Variants in EYS observed in about 807,000 individuals in gnomAD.
The protein encoded by EYS is EGF-like photoreceptor maintenance factor.
Under a neutral mutation model 282.1 loss-of-function variants are expected in EYS, and 250 were observed. The observed-to-expected ratio is 0.89, with a 90% CI of 0.80 to 0.98. The LOEUF (loss-of-function observed/expected upper bound fraction) is 0.98. Ranked by LOEUF, EYS falls within the 50% of genes least tolerant of loss-of-function variation. The probability of loss-of-function intolerance (pLI) is 0.00; values close to 1 mark genes in which losing one functional copy is unlikely to be tolerated. For synonymous variants in EYS, 1,355 were observed against 1,282.9 expected, an observed-to-expected ratio of 1.06 and a Z score of -1.20; for missense variants, 4,016 against 3,709.0, an observed-to-expected ratio of 1.08 and a Z score of -2.15.
intron 22 of EYS, among the ~76,000 whole-genome samples, chr6:64,757,218 C>A (rs1463709026): frequency 1.3e-5 from 2 of 152,134 alleles, no homozygotes; most frequent in African/African-American, 4.8e-5. Flanking sequence ...GCTTCCTTAT[C>A]ATCTCCCCAT....
At chr6:65,102,122 A>G (rs1774911647) in intron 12 of EYS, among the ~76,000 whole-genome samples, 1 of 151,440 alleles carries the variant, frequency 6.6e-6, no homozygotes, top group Non-Finnish European at 1.5e-5. Context: ...TTTGTGAGGC[A>G]TAGAAAAAAC....
chr6:63,999,725 A>G (rs1423545611), intron 33 of EYS, among the ~76,000 whole-genome samples: 1 of 152,224 alleles, frequency 6.6e-6, no homozygotes, highest in Non-Finnish European at 1.5e-5. Context: ...CTGGTACTGT[A>G]TCTCAGAGAT....
chr6:65,047,311 A>C (rs1011487099), intron 13 of EYS, among the ~76,000 whole-genome samples: 3 of 151,780 alleles, frequency 2.0e-5, no homozygotes, highest in African/African-American at 4.8e-5. Context: ...ATCTCCATCC[A>C]TACTTTGTAT....
chr6:64,235,904 A>G lies in EYS; in HGVS notation c.6192-5080T>C, dbSNP rs572046699. ...AATTCTACCAGAGGTACAAGGAGGAACTGGTACCATTCCTTCTGAAACTAT... is the reference window on the plus strand; with the variant it reads ...AATTCTACCAGAGGTACAAGGAGGAGCTGGTACCATTCCTTCTGAAACTAT... On this transcript the variant is annotated intron_variant, in intron 30 of 42. Coordinates refer to ENST00000503581, the MANE Select transcript of EYS (RefSeq NM_001142800.2). Among the ~76,000 whole-genome samples, 8 of 152,328 alleles carry G rather than the reference A, an allele frequency of 5.3e-5. No individual in the cohort carries two copies. In the East Asian group the frequency reaches 5.8e-4, roughly 11 times the overall value.
intron 12 of EYS, among the ~76,000 whole-genome samples, chr6:65,138,007 A>C (rs977506833): frequency 6.6e-6 from 1 of 152,082 alleles, no homozygotes; most frequent in Non-Finnish European, 1.5e-5. Context: ...AGAACAAAAA[A>C]TTAAGAAATC....
At chr6:63,948,976 T>C (rs972142039) in intron 35 of EYS, among the ~76,000 whole-genome samples, 23 of 152,212 alleles carry the variant, frequency 1.5e-4, no homozygotes, top group Non-Finnish European at 3.1e-4. Flanking sequence ...TTTCTGTATT[T>C]TCAGAATTGT....
intron 26 of EYS, among the ~76,000 whole-genome samples, chr6:64,525,118 A>G (rs528746684): frequency 1.3e-5 from 2 of 151,926 alleles, no homozygotes; most frequent in South Asian, 4.2e-4. Context: ...CAGTATGGCA[A>G]TTCCTCAAAG....
chr6:65,104,145 A>T (rs1349052119), intron 12 of EYS, among the ~76,000 whole-genome samples: 1 of 151,432 alleles, frequency 6.6e-6, no homozygotes, highest in Non-Finnish European at 1.5e-5. Flanking sequence ...TGTTAATAAG[A>T]TGCTTAAGTA....
chr6:64,421,860 G>T (rs1338823), intron 28 of EYS, among the ~76,000 whole-genome samples: 66,592 of 137,892 alleles, frequency 0.48, 15,213 homozygotes, highest in Admixed American at 0.52. Context: ...TTGTTTGGGG[G>T]GTGTGTGTGT....
chr6:63,890,468 G>A (rs2149724312), intron 35 of EYS, among the ~76,000 whole-genome samples: 1 of 152,160 alleles, frequency 6.6e-6, no homozygotes, highest in East Asian at 1.9e-4. Context: ...ACAACCACAT[G>A]GAAACTGAAC....
At chr6:64,427,332 G>A (rs1243961847) in intron 28 of EYS, among the ~76,000 whole-genome samples, 2 of 152,042 alleles carry the variant, frequency 1.3e-5, no homozygotes. Flanking sequence ...CAAAGCAGCA[G>A]GTAACCAACA....
intron 19 of EYS, among the ~76,000 whole-genome samples, chr6:64,850,145 A>G (rs996046752): frequency 6.6e-6 from 1 of 152,142 alleles, no homozygotes; most frequent in African/African-American, 2.4e-5. Flanking sequence ...CTCACTTGCC[A>G]CATCATAAAC....
intron 35 of EYS, among the ~76,000 whole-genome samples, chr6:63,929,742 A>G (rs1764830720): frequency 6.6e-6 from 1 of 152,062 alleles, no homozygotes; most frequent in Non-Finnish European, 1.5e-5. Flanking sequence ...AGCAGTCCTC[A>G]CTCATCCTTT....
At chr6:65,584,371 A>G (rs1490170477) in intron 2 of EYS, among the ~76,000 whole-genome samples, 1 of 152,062 alleles carries the variant, frequency 6.6e-6, no homozygotes, top group Non-Finnish European at 1.5e-5. Flanking sequence ...ACAGAAAATT[A>G]TCCAATCCAA....
intron 2 of EYS, among the ~76,000 whole-genome samples, chr6:65,518,817 C>T (rs533783471): frequency 6.6e-6 from 1 of 152,178 alleles, no homozygotes; most frequent in South Asian, 2.1e-4. Context: ...AAAATCAGGT[C>T]TTGCAGTCCC....
At chr6:64,111,234 ACT>A (rs551900074) in intron 31 of EYS, among the ~76,000 whole-genome samples, 17 of 152,048 alleles carry the variant, frequency 1.1e-4, no homozygotes, top group Non-Finnish European at 2.1e-4. Context: ...ATTGGCAGAG[ACT>A]CTGTCATATG....
At chr6:64,197,808 AC>A (rs2150320312) in intron 31 of EYS, among the ~76,000 whole-genome samples, 1 of 151,054 alleles carries the variant, frequency 6.6e-6, no homozygotes, top group Non-Finnish European at 1.5e-5. Flanking sequence ...ATTTCTTTAC[AC>A]CTTTATTTTT....
rs144134764 is a variant in EYS at position 63,878,081 on chromosome 6, C to A, written c.7056-13723G>T. 7.6e-3 allele frequency among the ~76,000 whole-genome samples: 1,158 copies of A among 152,304 alleles called. 19 individuals carry two copies. The highest frequency in any genetic ancestry group is 0.026 in the African/African-American group (1,086 of 41,554). ...ACTTTTAGAATTTTCAGCTTTTCTG[C>A]TCTGGTTTCTCCCTATCTTTGTGGT... On this transcript the variant is annotated intron_variant, in intron 35 of 42. Transcript: ENST00000503581.
chr6:64,198,811 G>C (rs1050433363), intron 31 of EYS, among the ~76,000 whole-genome samples: 12 of 152,230 alleles, frequency 7.9e-5, no homozygotes, highest in African/African-American at 2.9e-4. Context: ...CTTTATAGTA[G>C]AATGATTTAT....
Sources: gnomAD v4.1 joint callset for allele counts (sites outside exome capture counted in the v4.1 genomes callset) on GRCh38, gnomAD v4.1.1 for gene constraint, MANE v1.5 for transcripts, NCBI Gene and HGNC (gene_info 2026-07-23, HGNC 2026-07-21) for gene names.